The following ABCA8 variants were observed in gnomAD, a reference collection of about 807,000 sequenced individuals.
ABCA8 encodes the protein ABC-type organic anion transporter ABCA8.
A neutral mutation model predicts 192.3 loss-of-function variants in ABCA8; 177 were observed. The ratio of observed to expected loss-of-function variants is 0.92; its 90% CI spans 0.81 to 1.04. ABCA8 has a LOEUF of 1.04. ABCA8 is among the 50% of genes least tolerant of loss of function. The probability of loss-of-function intolerance (pLI) is 0.00; values close to 1 mark genes in which losing one functional copy is unlikely to be tolerated. For synonymous variants in ABCA8, 642 were observed against 690.2 expected (o/e 0.93, Z 1.09); for missense variants, 1,915 against 1,904.8 (o/e 1.01, Z -0.10).
Position 68,887,906 on chromosome 17 carries a change from A to ATATG in ABCA8, c.3145-401_3145-400insCATA, listed in dbSNP as rs370830810. On this transcript the variant is annotated intron_variant, in intron 24 of 39. Transcript: ENST00000586539. ...CATATATATATATATATATATATAT[A>ATATG]TCCATATATATATATATATTATATA... 3.9e-4 allele frequency among the ~76,000 whole-genome samples: 24 copies of ATATG among 60,874 alleles called. 2 individuals carry two copies. Among genetic ancestry groups the ATATG allele is most frequent in the African/African-American group, 2.2e-3 (23 of 10,580 alleles). 39.9% of individuals were successfully genotyped at this position (60,874 alleles called of 152,430 possible).
At chr17:68,930,273 C>T (rs2067825179) in intron 7 of ABCA8, among the ~76,000 whole-genome samples, 1 of 152,134 alleles carries the variant, frequency 6.6e-6, no homozygotes, top group African/African-American at 2.4e-5. Flanking sequence ...AGAAATTCTT[C>T]CTTATGTGTA....
chr17:68,871,799 G>A (rs991024792), intron 37 of ABCA8, among the ~76,000 whole-genome samples: 5 of 152,066 alleles, frequency 3.3e-5, no homozygotes, highest in African/African-American at 7.2e-5. Context: ...CGGGATGCTG[G>A]TGTAACCAAA....
intron 17 of ABCA8, among the ~76,000 whole-genome samples, chr17:68,914,120 C>T (rs1446967882): frequency 2.0e-5 from 3 of 152,018 alleles, no homozygotes; most frequent in Non-Finnish European, 4.4e-5. Context: ...TGATAAAACC[C>T]TCAAAAATCT....
chr17:68,905,987 A>G (rs916660700), intron 19 of ABCA8, 57 bp downstream of exon 19: 25 of 1,438,256 alleles, frequency 1.7e-5, no homozygotes, highest in African/African-American at 4.3e-5. Context: ...CATCTTTGGA[A>G]CAGTGTGTTC....
At chr17:68,937,289 A>G (rs1389110334) in intron 4 of ABCA8, among the ~76,000 whole-genome samples, 174 bp from the exon 5 acceptor site, 1 of 152,138 alleles carries the variant, frequency 6.6e-6, no homozygotes, top group Non-Finnish European at 1.5e-5. Flanking sequence ...CTAAAGTTCC[A>G]TCTAGATGCA....
chr17:68,952,558 G>T (rs2068598124), intron 1 of ABCA8, among the ~76,000 whole-genome samples: 1 of 152,176 alleles, frequency 6.6e-6, no homozygotes, highest in Non-Finnish European at 1.5e-5. Flanking sequence ...CTTTGCCAAT[G>T]AATTATGCAT....
At chr17:68,878,460 A>G (rs2066260411) in intron 32 of ABCA8, 1 of 152,198 alleles carries the variant, frequency 6.6e-6, no homozygotes, top group Non-Finnish European at 1.5e-5. Flanking sequence ...TGCTTGCAAG[A>G]CAAGCAGGGA....
chr17:68,928,776 A>G (rs2067770591), intron 9 of ABCA8, among the ~76,000 whole-genome samples: 1 of 152,214 alleles, frequency 6.6e-6, no homozygotes, highest in African/African-American at 2.4e-5. Context: ...GATTTGCCAC[A>G]TGTCCATATT....
intron 21 of ABCA8, among the ~76,000 whole-genome samples, chr17:68,895,727 G>A (rs1355658531): frequency 2.6e-5 from 4 of 152,124 alleles, no homozygotes; most frequent in Non-Finnish European, 4.4e-5. Flanking sequence ...GTATCTTCAC[G>A]GGAGGGGCTT....
At position 68,924,852 on chromosome 17, in the gene ABCA8, GT is replaced by G; in HGVS notation, c.1290del (p.Arg431ValfsTer7). Reference protein sequence around the residue: ...EKILPNEYGHRRPPLFFLKSS... With the variant: ...EKILPNEYGHXRPPLFFLKSS... Reference sequence around the variant, plus strand: ...GACTTCAGGAAAAACAAAGGTGGACGTCGATGTCCATATTCATCTACATGGC... The same window carrying G: ...GACTTCAGGAAAAACAAAGGTGGACGCGATGTCCATATTCATCTACATGGC... On this transcript the variant is annotated frameshift_variant, in exon 11 of 40. Coordinates refer to ENST00000586539, the MANE Select transcript of ABCA8 (RefSeq NM_001288985.2). LOFTEE classifies it high-confidence loss of function. 1 of 1,613,892 alleles carries G rather than the reference GT, an allele frequency of 6.2e-7. No individual in the cohort carries two copies. Among genetic ancestry groups the G allele is most frequent in the South Asian group, 1.1e-5 (1 of 91,040 alleles).
Position 68,867,996 on chromosome 17 carries a change from T to C in ABCA8, c.*89A>G, listed in dbSNP as rs898456245. The C allele has an allele frequency of 2.0e-6, 2 of 983,698 alleles. No homozygotes were observed. The highest frequency in any genetic ancestry group is 2.6e-5 in the East Asian group (1 of 38,346). 60.9% of individuals were successfully genotyped at this position (983,698 alleles called of 1,614,324 possible). A position where few individuals can be genotyped will look rare whatever the true frequency, so the allele number is the denominator to read the frequency against. On this transcript the variant is annotated 3_prime_UTR_variant, in exon 40 of 40. Transcript: ENST00000586539. Reference sequence around the variant, plus strand: ...GAGAACCATTTCTGTACTTATAATATAGTTTCTAAAAATAGAACATTGCTG... The same window carrying C: ...GAGAACCATTTCTGTACTTATAATACAGTTTCTAAAAATAGAACATTGCTG...
intron 1 of ABCA8, among the ~76,000 whole-genome samples, chr17:68,954,856 C>A (rs547676743): frequency 1.3e-5 from 2 of 152,128 alleles, no homozygotes; most frequent in Non-Finnish European, 2.9e-5. Flanking sequence ...ATAACTTTAA[C>A]TTCAAAAACA....
At chr17:68,888,096 C>T (rs1208931927) in intron 24 of ABCA8, among the ~76,000 whole-genome samples, 1 of 148,902 alleles carries the variant, frequency 6.7e-6, no homozygotes, top group Non-Finnish European at 1.5e-5. Flanking sequence ...CACATACACA[C>T]ACACACACAC....
rs529711094 is a variant in ABCA8, at chr17:68,939,985, G to A, written c.301+773C>T. On this transcript the variant is annotated intron_variant, in intron 4 of 39. Coordinates refer to ENST00000586539, the MANE Select transcript of ABCA8 (RefSeq NM_001288985.2). ...TTCAAAATGCACTCCAGACACATAT[G>A]TATCACAGCAGTTCTGAGTGGACTC... 1.8e-3 allele frequency among the ~76,000 whole-genome samples: 278 copies of A among 152,142 alleles called. 1 individual carries two copies. The highest frequency in any genetic ancestry group is 6.0e-3 in the African/African-American group (251 of 41,526).
chr17:68,925,262 A>T (rs1037111620), intron 10 of ABCA8, among the ~76,000 whole-genome samples: 2 of 152,164 alleles, frequency 1.3e-5, no homozygotes, highest in African/African-American at 2.4e-5. Context: ...GGATACCTTT[A>T]AAAAAAATCC....
At chr17:68,910,839 G>A (rs2067213168) in intron 17 of ABCA8, among the ~76,000 whole-genome samples, 1 of 152,212 alleles carries the variant, frequency 6.6e-6, no homozygotes, top group African/African-American at 2.4e-5. Flanking sequence ...CCCTAGGCCA[G>A]AAGGGCACCT....
At chr17:68,881,725 T>G in intron 31 of ABCA8, 138 bp downstream of exon 31, 1 of 684,072 alleles carries the variant, frequency 1.5e-6, no homozygotes, top group Non-Finnish European at 2.6e-6. Flanking sequence ...AAATGAAACA[T>G]ACAAAGGAAG....
intron 7 of ABCA8, among the ~76,000 whole-genome samples, chr17:68,930,208 T>G (rs1371155950): frequency 1.3e-5 from 2 of 152,116 alleles, no homozygotes; most frequent in Non-Finnish European, 2.9e-5. Context: ...CAGACCCTTC[T>G]CTCCTCTCTG....
chr17:68,870,316 T>A (rs1050523645), intron 37 of ABCA8, among the ~76,000 whole-genome samples: 11 of 152,234 alleles, frequency 7.2e-5, no homozygotes, highest in African/African-American at 2.7e-4. Context: ...GTGGACTTAG[T>A]TCTCTTTTTG....
Sources: gnomAD v4.1 joint callset for allele counts (sites outside exome capture counted in the v4.1 genomes callset) on GRCh38, gnomAD v4.1.1 for gene constraint, MANE v1.5 for transcripts, NCBI Gene and HGNC (gene_info 2026-07-23, HGNC 2026-07-21) for gene names.